The following RBPMS variants were observed in gnomAD, a reference collection of about 807,000 sequenced individuals.
The protein encoded by RBPMS is RNA-binding protein with multiple splicing.
In RBPMS, 7 loss-of-function variants were observed where a neutral mutation model predicts 26.8. The observed-to-expected ratio is 0.26, with a 90% CI of 0.15 to 0.49. The LOEUF (loss-of-function observed/expected upper bound fraction) is 0.49. Ranked by LOEUF, RBPMS falls within the 20% of genes least tolerant of loss-of-function variation. RBPMS has a pLI of 0.98. For missense variants in RBPMS, 186 were observed against 250.0 expected (o/e 0.74, Z 1.73); for synonymous variants, 96 against 93.3 (o/e 1.03, Z -0.17).
intron 6 of RBPMS, among the ~76,000 whole-genome samples, chr8:30,551,073 G>A (rs766443192): frequency 4.6e-5 from 7 of 152,176 alleles, no homozygotes; most frequent in Admixed American, 2.0e-4. Context: ...GCTTGTACTT[G>A]GGGATATTGC....
At chr8:30,568,808 T>C (rs1828068784) in intron 8 of RBPMS, among the ~76,000 whole-genome samples, 1 of 151,962 alleles carries the variant, frequency 6.6e-6, no homozygotes, top group Non-Finnish European at 1.5e-5. Context: ...ACCTCCTCCT[T>C]GTTTACAGGG....
intron 4 of RBPMS, among the ~76,000 whole-genome samples, chr8:30,481,331 CT>C (rs1818249897): frequency 3.3e-5 from 5 of 152,020 alleles, no homozygotes; most frequent in African/African-American, 1.2e-4. Context: ...TCAAAAAAAA[CT>C]GTGTTTCCTC....
intron 1 of RBPMS, among the ~76,000 whole-genome samples, chr8:30,472,939 ACTGT>A (rs975364342): frequency 3.9e-5 from 6 of 152,256 alleles, no homozygotes; most frequent in Admixed American, 3.3e-4. Context: ...ATGGTAGCAG[ACTGT>A]CTGTCTGTCT....
intron 6 of RBPMS, among the ~76,000 whole-genome samples, chr8:30,549,068 A>C (rs1287079256): frequency 3.3e-5 from 5 of 152,148 alleles, no homozygotes; most frequent in African/African-American, 4.8e-5. Flanking sequence ...CTCACAAGGC[A>C]AGGACTCTGA....
chr8:30,452,511 G>A (rs1465279257), intron 1 of RBPMS, among the ~76,000 whole-genome samples: 1 of 152,020 alleles, frequency 6.6e-6, no homozygotes, highest in Non-Finnish European at 1.5e-5. Context: ...AAGTATATTT[G>A]TTATCTCTCC....
At chr8:30,551,531 C>G (rs1041493760) in intron 6 of RBPMS, among the ~76,000 whole-genome samples, 6 of 152,196 alleles carry the variant, frequency 3.9e-5, no homozygotes, top group Non-Finnish European at 8.8e-5. Context: ...ACACTGTTTT[C>G]CAGGTTTCTA....
chr8:30,416,226 T>C (rs985283382), intron 1 of RBPMS, among the ~76,000 whole-genome samples: 2 of 152,222 alleles, frequency 1.3e-5, no homozygotes, highest in Non-Finnish European at 2.9e-5. Flanking sequence ...TTTGTGTAAA[T>C]GTTAATCCAT....
intron 6 of RBPMS, 66 bp from the exon 7 acceptor site, chr8:30,558,821 A>G: frequency 7.3e-7 from 1 of 1,361,368 alleles, no homozygotes; most frequent in African/African-American, 1.4e-5. Context: ...GCCAAGCAGG[A>G]CCCTCCGTGA....
chr8:30,567,723 C>T (rs145599306), intron 8 of RBPMS, among the ~76,000 whole-genome samples: 1 of 152,338 alleles, frequency 6.6e-6, no homozygotes, highest in Non-Finnish European at 1.5e-5. Flanking sequence ...GGCCTAGTGG[C>T]AGGAGACAGA....
At chr8:30,439,321 A>G (rs902876680) in intron 1 of RBPMS, among the ~76,000 whole-genome samples, 3 of 152,208 alleles carry the variant, frequency 2.0e-5, no homozygotes, top group Non-Finnish European at 4.4e-5. Context: ...TCTTTCTTCC[A>G]TGTTTCTTGG....
intron 1 of RBPMS, among the ~76,000 whole-genome samples, chr8:30,457,927 C>T (rs1333825305): frequency 6.6e-6 from 1 of 152,114 alleles, no homozygotes; most frequent in Non-Finnish European, 1.5e-5. Flanking sequence ...GAAAGTGTAA[C>T]AAGGTAGCAT....
intron 1 of RBPMS, chr8:30,453,655 C>T (rs543500317): frequency 1.3e-5 from 2 of 152,204 alleles, no homozygotes; most frequent in Non-Finnish European, 2.9e-5. Context: ...GTTTCTTATA[C>T]AAAAGGGTCT....
intron 1 of RBPMS, among the ~76,000 whole-genome samples, chr8:30,431,694 G>A (rs1400697958): frequency 3.9e-5 from 6 of 152,050 alleles, no homozygotes; most frequent in African/African-American, 9.7e-5. Context: ...CAGGTGATCC[G>A]GCCTGCCTCG....
intron 4 of RBPMS, among the ~76,000 whole-genome samples, chr8:30,494,190 T>TAAA (rs1223177987): frequency 6.6e-6 from 1 of 152,084 alleles, no homozygotes; most frequent in Non-Finnish European, 1.5e-5. Flanking sequence ...ACACAGGAAA[T>TAAA]AAAGGAAACT....
At chr8:30,460,120 G>T (rs1815716134) in intron 1 of RBPMS, among the ~76,000 whole-genome samples, 1 of 152,190 alleles carries the variant, frequency 6.6e-6, no homozygotes, top group African/African-American at 2.4e-5. Flanking sequence ...GTACTAAGTA[G>T]GATGGGGCAT....
intron 5 of RBPMS, among the ~76,000 whole-genome samples, chr8:30,515,060 C>T (rs769539265): frequency 2.0e-5 from 3 of 152,120 alleles, no homozygotes; most frequent in African/African-American, 4.8e-5. Context: ...CCTCAAACTC[C>T]TCCCAGGGTC....
chr8:30,477,885 A>G (rs1253751205), intron 3 of RBPMS, 48 bp downstream of exon 3: 3 of 1,259,640 alleles, frequency 2.4e-6, no homozygotes, highest in African/African-American at 1.5e-5. Context: ...TACTTTCCTC[A>G]GGAATATTGC....
chr8:30,392,146 A>G lies in RBPMS; in HGVS notation c.66+6988A>G, dbSNP rs1807858336. On this transcript the variant is annotated intron_variant, in intron 1 of 8. Coordinates refer to ENST00000397323, the MANE Select transcript of RBPMS (RefSeq NM_001008710.3). ...GTATAACCACGCCCGAGGTTAAAGT[A>G]GAGGTAGTTGAGTTGAGCACAGCCA... is the stretch of plus-strand genomic sequence containing the variant. 1.3e-5 allele frequency among the ~76,000 whole-genome samples: 2 copies of G among 152,112 alleles called. 1 individual carries two copies. The highest frequency in any genetic ancestry group is 4.1e-4 in the South Asian group (2 of 4,830).
At chr8:30,544,922 C>T (rs1241887542) in intron 6 of RBPMS, 2 of 1,478,612 alleles carry the variant, frequency 1.4e-6, no homozygotes, top group East Asian at 4.9e-5. Flanking sequence ...TGGCTCCCAG[C>T]TAGCTAGAGG....
Sources: allele counts gnomAD v4.1 joint callset (sites outside exome capture counted in the v4.1 genomes callset), GRCh38; gene constraint gnomAD v4.1.1; transcripts MANE v1.5; gene names NCBI Gene and HGNC (gene_info 2026-07-23, HGNC 2026-07-21).